Variants in PDGFRB observed in about 807,000 individuals in gnomAD.
PDGFRB encodes platelet-derived growth factor receptor beta.
Under a neutral mutation model 120.2 loss-of-function variants are expected in PDGFRB, and 42 were observed. The observed-to-expected ratio is 0.35, with a 90% CI of 0.27 to 0.45. The LOEUF is 0.45. PDGFRB is among the 20% of genes least tolerant of loss of function. PDGFRB has a pLI of 1.00. For synonymous variants in PDGFRB, 586 were observed against 606.8 expected, an observed-to-expected ratio of 0.97 and a Z score of 0.50; for missense variants, 1,149 against 1,476.3, an observed-to-expected ratio of 0.78 and a Z score of 3.63.
intron 20 of PDGFRB, 146 bp downstream of exon 20, chr5:150,119,321 C>T: frequency 1.5e-6 from 1 of 673,460 alleles, no homozygotes; most frequent in South Asian, 1.7e-5. Context: ...TTCCTGATGC[C>T]ATCCTTTGAA....
At position 150,127,109 on chromosome 5, in the gene PDGFRB, C is replaced by T. The variant is rs904892319; in HGVS notation, c.1580-495G>A. On this transcript the variant is annotated intron_variant, in intron 10 of 22. Coordinates refer to ENST00000261799, the MANE Select transcript of PDGFRB (RefSeq NM_002609.4). ...GCCACTGAGGGAGCAATGGCTGAGACCCCCAGCCTGATGAATCCAGACCTC... is the reference window on the plus strand; with the variant it reads ...GCCACTGAGGGAGCAATGGCTGAGATCCCCAGCCTGATGAATCCAGACCTC... Among the ~76,000 whole-genome samples the T allele has an allele frequency of 2.6e-5, 4 of 152,344 alleles. No individual in the cohort carries two copies. In the East Asian group the frequency reaches 7.7e-4, roughly 29 times the overall value.
At chr5:150,151,912 G>C (rs1307568843) in intron 1 of PDGFRB, among the ~76,000 whole-genome samples, 1 of 150,974 alleles carries the variant, frequency 6.6e-6, no homozygotes, top group South Asian at 2.1e-4. Context: ...TAATTTTGAG[G>C]TTGCTGTGAC....
rs1225771722 is a variant in PDGFRB at position 150,123,769 on chromosome 5, C to A, written c.2023+481G>T. 2.0e-5 allele frequency among the ~76,000 whole-genome samples: 3 copies of A among 152,184 alleles called. No homozygotes were observed. The South Asian group carries it at 6.2e-4, about 32-fold the overall frequency. On this transcript the variant is annotated intron_variant, in intron 14 of 22. Transcript: ENST00000261799. ...CATAATGCTGAGGAAAATCCCAAAT[C>A]TCACAATAAGCAGCTGCAAATGGTG...
chr5:150,129,727 C>T (rs73277741), intron 10 of PDGFRB, 30 bp downstream of exon 10: 12 of 1,568,682 alleles, frequency 7.6e-6, no homozygotes, highest in Admixed American at 1.7e-5. Context: ...GGATTGGGAT[C>T]GTCAGGGGCC....
Position 150,134,739 on chromosome 5 carries a change from A to G in PDGFRB, c.631+11T>C. ...GCCTCTGCTGAGCATCAGGCCAGAAAGGGGGCTCACCCTGGAGTCTGTAGA... is the reference window on the plus strand; with the variant it reads ...GCCTCTGCTGAGCATCAGGCCAGAAGGGGGGCTCACCCTGGAGTCTGTAGA... On this transcript the variant is annotated intron_variant, in intron 4 of 22. Transcript: ENST00000261799. 1.2e-6 allele frequency: 2 copies of G among 1,602,368 alleles called. No homozygotes were observed. The highest frequency in any genetic ancestry group is 1.7e-6 in the Non-Finnish European group (2 of 1,173,968).
chr5:150,117,545 CACACA>C lies in PDGFRB; in HGVS notation c.3137+68_3137+72del, dbSNP rs1759992201. 5 of 341,938 alleles carry C rather than the reference CACACA, an allele frequency of 1.5e-5. No homozygotes were observed. The African/African-American group carries it at 5.6e-4, about 38-fold the overall frequency. 21.2% of individuals were successfully genotyped at this position (341,938 alleles called of 1,614,324 possible). The stretch of plus-strand genomic sequence containing the variant: ...ACCTGGCAGCGCGCGCGCGCGCGCG[CACACA>C]CACACACACACACACACACACACAC... On this transcript the variant is annotated intron_variant, in intron 22 of 22. Transcript: ENST00000261799.
At chr5:150,128,556 C>T (rs1425962110) in intron 10 of PDGFRB, among the ~76,000 whole-genome samples, 4 of 152,222 alleles carry the variant, frequency 2.6e-5, no homozygotes, top group African/African-American at 2.4e-5. Flanking sequence ...TCCACACACT[C>T]GATCCTCCAG....
At chr5:150,151,028 C>T (rs900028204) in intron 1 of PDGFRB, among the ~76,000 whole-genome samples, 1 of 152,168 alleles carries the variant, frequency 6.6e-6, no homozygotes, top group African/African-American at 2.4e-5. Context: ...GTTAAGGGGC[C>T]ACACTAATTG....
rs1383355454 is a variant in PDGFRB, at chr5:150,117,666, G to C, written c.3089C>G (p.Pro1030Arg). The C allele has an allele frequency of 5.6e-6, 9 of 1,613,888 alleles. No homozygotes were observed. Among genetic ancestry groups the C allele is most frequent in the Non-Finnish European group, 7.6e-6 (9 of 1,179,876 alleles). The change falls in exon 22 of 23, where the codon CCC (proline) becomes CGC (arginine). Residue 1030 changes from proline (P) to arginine (R), a missense_variant. By Grantham distance (103) the Pro-to-Arg change is moderately radical. Around this residue, in one of 3 missense-constraint regions of PDGFRB, gnomAD observed 202 missense variants for 214.3 expected, o/e 0.94. Coordinates refer to ENST00000261799, the MANE Select transcript of PDGFRB (RefSeq NM_002609.4). The stretch of plus-strand genomic sequence containing the variant: ...CAGTGGGCCCTCGTCAGCAACCTCG[G>C]GTTTGGGGTCAGGCAGGGGGATGAT... ...DYIIPLPDPKPEVADEGPLEG... is the reference protein window; with the variant it reads ...DYIIPLPDPKREVADEGPLEG...
At chr5:150,130,880 CCT>C (rs1383782957) in intron 8 of PDGFRB, among the ~76,000 whole-genome samples, 1 of 152,152 alleles carries the variant, frequency 6.6e-6, no homozygotes, top group Non-Finnish European at 1.5e-5. Flanking sequence ...GTCTTTAACA[CCT>C]CTCTGAGACT....
intron 19 of PDGFRB, 93 bp from the exon 20 acceptor site, chr5:150,119,659 C>T: frequency 1.2e-6 from 1 of 807,798 alleles, no homozygotes; most frequent in Non-Finnish European, 2.2e-6. Context: ...CCATGCTGGC[C>T]CTGGTATGGG....
Position 150,121,289 on chromosome 5 carries a change from T to C in PDGFRB, c.2378A>G (p.Asn793Ser), listed in dbSNP as rs768833854. 7.5e-6 allele frequency: 12 copies of C among 1,601,646 alleles called. No individual in the cohort carries two copies. Among genetic ancestry groups the C allele is most frequent in the Non-Finnish European group, 9.4e-6 (11 of 1,168,568 alleles). ...CATGTAGCTTAGCACTGGAGACTCG[T>C]TGATCAAAGTTGCTCGGCAGGTCCT... is the stretch of plus-strand genomic sequence containing the variant. ...PERTCRATLI[N>S]ESPVLSYMDL... Residue 793 changes from asparagine (N) to serine (S), a missense_variant, in exon 17 of 23, where the codon AAC becomes AGC. Asn to Ser is a conservative substitution (Grantham distance 46). Coordinates refer to ENST00000261799, the MANE Select transcript of PDGFRB (RefSeq NM_002609.4). This position sits in a 1 kb window ranked among gnomAD's most constrained non-coding sequence, Gnocchi z 4.1.
chr5:150,133,925 C>T lies in PDGFRB; in HGVS notation c.715G>A (p.Gly239Arg), dbSNP rs1465364786. The T allele has an allele frequency of 1.9e-6, 3 of 1,613,934 alleles. No homozygotes were observed. Among genetic ancestry groups the T allele is most frequent in the East Asian group, 2.2e-5 (1 of 44,888 alleles). ...ENITLMCIVI[G>R]NEVVNFEWTY... ...CACTCGAAGTTGACCACCTCATTCC[C>T]GATCACAATGCACATGAGGGTGATG... The change falls in exon 5 of 23, where the codon GGG (glycine) becomes AGG (arginine). Residue 239 changes from glycine (G) to arginine (R), a missense_variant. This residue lies in a region of PDGFRB where 879 missense variants were observed against 1,108.6 expected (regional missense o/e 0.79). Coordinates refer to ENST00000261799, the MANE Select transcript of PDGFRB (RefSeq NM_002609.4).
At position 150,115,951 on chromosome 5, in the gene PDGFRB, A is replaced by T; in HGVS notation, c.3138-5T>A. ...TTGACTTCATTCAGGGTGGAGCTAG[A>T]GGAAAGAGGCAGTGAGTGAGGGGCT... On this transcript the variant is annotated splice_region_variant and splice_polypyrimidine_tract_variant and intron_variant, in intron 22 of 22. Transcript: ENST00000261799. 1.3e-6 allele frequency: 2 copies of T among 1,558,494 alleles called. No homozygotes were observed. The highest frequency in any genetic ancestry group is 1.7e-6 in the Non-Finnish European group (2 of 1,150,542).
chr5:150,137,944 AAGAGACAGAAGCAAGGACAAAGAC>A (rs1333134120), intron 1 of PDGFRB, among the ~76,000 whole-genome samples: 1,989 of 148,214 alleles, frequency 0.013, 493 homozygotes, highest in African/African-American at 0.048. Flanking sequence ...CAGAGGCACT[AAGAGACAGAAGCAAGGACAAAGAC>A]AGAGACAGAA....
chr5:150,127,270 T>G (rs967872567), intron 10 of PDGFRB, among the ~76,000 whole-genome samples: 22 of 152,074 alleles, frequency 1.4e-4, no homozygotes, highest in African/African-American at 4.8e-4. Flanking sequence ...CCTCAGCCTC[T>G]TCGCTGTACA....
At chr5:150,117,544 GCACACACACACACACACACACA>G (rs3836743) in intron 22 of PDGFRB, 52 bp downstream of exon 22, 7 of 516,470 alleles carry the variant, frequency 1.4e-5, no homozygotes, top group Non-Finnish European at 2.3e-5. Context: ...GCGCGCGCGC[GCACACACACACACACACACACA>G]CACACACACA....
chr5:150,118,881 C>T (rs1760047604), intron 20 of PDGFRB, 29 bp from the exon 21 acceptor site: 2 of 1,432,226 alleles, frequency 1.4e-6, no homozygotes, highest in East Asian at 2.3e-5. Flanking sequence ...GTCAGGGCCT[C>T]TGGCCCAGGG....
At chr5:150,154,759 C>G (rs891677460) in intron 1 of PDGFRB, among the ~76,000 whole-genome samples, 5 of 152,232 alleles carry the variant, frequency 3.3e-5, no homozygotes, top group African/African-American at 1.2e-4. Flanking sequence ...CCAGATCTGA[C>G]AGCCAGGTCC....
Sources: allele counts gnomAD v4.1 joint callset (sites outside exome capture counted in the v4.1 genomes callset), GRCh38; gene constraint gnomAD v4.1.1; regional missense constraint gnomAD v4.1.1; non-coding constraint Gnocchi (gnomAD v3.1); transcripts MANE v1.5; gene names NCBI Gene and HGNC (gene_info 2026-07-23, HGNC 2026-07-21).